METTL2A: variants seen among roughly 807,000 people sequenced by gnomAD.
METTL2A encodes the protein tRNA N(3)-cytidine methyltransferase METTL2A.
A neutral mutation model predicts 49.4 loss-of-function variants in METTL2A; 45 were observed. That is an observed-to-expected ratio of 0.91 (90% CI 0.72 to 1.17). METTL2A has a LOEUF of 1.17. Ranked by LOEUF, METTL2A falls within the 50% of genes most tolerant of loss-of-function variation. The probability of loss-of-function intolerance (pLI) is 0.00; values close to 1 mark genes in which losing one functional copy is unlikely to be tolerated. For missense variants in METTL2A, 361 were observed against 462.2 expected (o/e 0.78, Z 2.01); for synonymous variants, 118 against 167.5 (o/e 0.70, Z 2.28).
chr17:62,446,047 A>G (rs973055567), intron 7 of METTL2A, among the ~76,000 whole-genome samples: 6 of 152,262 alleles, frequency 3.9e-5, no homozygotes, highest in African/African-American at 1.4e-4. Flanking sequence ...CTAAATGGCC[A>G]GTAAACAACA....
chr17:62,445,536 T>C (rs1241816695), intron 7 of METTL2A, among the ~76,000 whole-genome samples: 2 of 152,170 alleles, frequency 1.3e-5, no homozygotes, highest in African/African-American at 4.8e-5. Context: ...CAGTGGCTCA[T>C]GCCTGTAATT....
At chr17:62,424,089 G>C (rs946629891) in intron 1 of METTL2A, 77 bp downstream of exon 1, 26 of 1,584,268 alleles carry the variant, frequency 1.6e-5, no homozygotes, top group Non-Finnish European at 2.0e-5. Flanking sequence ...AAAAGCCCCT[G>C]ACCGCCGGCC....
chr17:62,440,674 G>A lies in METTL2A; in HGVS notation c.727G>A (p.Glu243Lys). 1 of 1,614,074 alleles carries A rather than the reference G, an allele frequency of 6.2e-7. No individual in the cohort carries two copies. Among genetic ancestry groups the A allele is most frequent in the South Asian group, 1.1e-5 (1 of 91,074 alleles). ...CFAFVHDLCD[E>K]EKSYPVPKGS... is the part of the protein sequence containing the mutation. ...TGCCTTTGTTCACGACCTGTGTGATGAAGAGAAGAGTTACCCAGTGCCCAA... is the reference window on the plus strand; with the variant it reads ...TGCCTTTGTTCACGACCTGTGTGATAAAGAGAAGAGTTACCCAGTGCCCAA... The change falls in exon 6 of 9, where the codon GAA becomes AAA. Residue 243 changes from glutamate (E) to lysine (K), a missense_variant. Transcript: ENST00000311506.
At chr17:62,447,892 C>A in intron 8 of METTL2A, 126 bp downstream of exon 8, 2 of 1,547,762 alleles carry the variant, frequency 1.3e-6, no homozygotes, top group Non-Finnish European at 1.7e-6. Context: ...CCTGCGGTTC[C>A]CTGCTGCTCA....
intron 5 of METTL2A, among the ~76,000 whole-genome samples, chr17:62,439,224 T>A (rs149854699): frequency 0.018 from 2,676 of 151,546 alleles, 91 homozygotes; most frequent in African/African-American, 0.061. Context: ...CAGGTAATCC[T>A]CCCACCTCGA....
At chr17:62,431,250 G>T (rs190086658) in intron 4 of METTL2A, among the ~76,000 whole-genome samples, 1 of 150,636 alleles carries the variant, frequency 6.6e-6, no homozygotes, top group Non-Finnish European at 1.5e-5. Flanking sequence ...ATCCACCCAC[G>T]TCGGCCTCCC....
chr17:62,441,571 C>G (rs1424610967), intron 6 of METTL2A, among the ~76,000 whole-genome samples: 1 of 151,986 alleles, frequency 6.6e-6, no homozygotes, highest in Admixed American at 6.6e-5. Context: ...CTCAACCTCC[C>G]GAGTAGCTGG....
chr17:62,445,071 C>T (rs1170472986), intron 7 of METTL2A, 128 bp downstream of exon 7: 14 of 1,055,748 alleles, frequency 1.3e-5, no homozygotes, highest in Admixed American at 2.3e-5. Flanking sequence ...CTTTTTCTCA[C>T]TCATAAGTGG....
Position 62,451,627 on chromosome 17 carries a change from C to T in METTL2A, c.*2898C>T, listed in dbSNP as rs113475326. Among the ~76,000 whole-genome samples, 3,130 of 151,730 alleles carry T rather than the reference C, an allele frequency of 0.021. 128 individuals are homozygous for T. The highest frequency in any genetic ancestry group is 0.071 in the African/African-American group (2,947 of 41,450). On this transcript the variant is annotated 3_prime_UTR_variant, in exon 9 of 9. Coordinates refer to ENST00000311506, the MANE Select transcript of METTL2A (RefSeq NM_181725.4). ...ACAATACAGACCTGGCACGGTGGCT[C>T]ACGCCTGTAATCCCAGCACTTTGAG...
chr17:62,431,774 G>T (rs1436886951), intron 4 of METTL2A, among the ~76,000 whole-genome samples: 1 of 151,826 alleles, frequency 6.6e-6, no homozygotes, highest in Non-Finnish European at 1.5e-5. Context: ...AGGCTGGAAT[G>T]CAGTGGCACG....
At chr17:62,424,344 G>A in intron 2 of METTL2A, 34 bp downstream of exon 2, 1 of 1,613,170 alleles carries the variant, frequency 6.2e-7, no homozygotes, top group East Asian at 2.2e-5. Flanking sequence ...GGTATCAACA[G>A]CCAGCGTACT....
rs763518780 is a variant in METTL2A at position 62,448,610 on chromosome 17, GA to G, written c.1023del (p.Val342PhefsTer11). The G allele has an allele frequency of 1.2e-6, 2 of 1,614,154 alleles. No homozygotes were observed. The highest frequency in any genetic ancestry group is 2.2e-5 in the South Asian group (2 of 91,080). On this transcript the variant is annotated frameshift_variant, in exon 9 of 9. Coordinates refer to ENST00000311506, the MANE Select transcript of METTL2A (RefSeq NM_181725.4). LOFTEE classifies it high-confidence loss of function. ...CACGCTTTTCACCACTGCTGGACTG[GA>G]AAAAGTTCAGAACCTGGTGGATCGC... ...LDTLFTTAGL[E>X]KVQNLVDRRL...
At chr17:62,426,992 C>T (rs2070632917) in intron 3 of METTL2A, among the ~76,000 whole-genome samples, 1 of 152,152 alleles carries the variant, frequency 6.6e-6, no homozygotes, top group Non-Finnish European at 1.5e-5. Context: ...GAAAAAAGTC[C>T]CAGATCAGAA....
At chr17:62,432,364 A>G (rs1317833126) in intron 4 of METTL2A, among the ~76,000 whole-genome samples, 3 of 152,194 alleles carry the variant, frequency 2.0e-5, no homozygotes, top group Admixed American at 6.5e-5. Flanking sequence ...TCAAGCAATC[A>G]TGGATTGAAA....
intron 5 of METTL2A, among the ~76,000 whole-genome samples, chr17:62,440,019 C>CTTTTTTTTT (rs60232494): frequency 7.1e-6 from 1 of 141,076 alleles, no homozygotes; most frequent in Non-Finnish European, 1.6e-5. Flanking sequence ...TTTGCCGTTA[C>CTTTTTTTTT]TTTTTTTTTT....
At chr17:62,438,230 A>T (rs922098468) in intron 5 of METTL2A, among the ~76,000 whole-genome samples, 3 of 151,976 alleles carry the variant, frequency 2.0e-5, no homozygotes, top group Non-Finnish European at 4.4e-5. Flanking sequence ...AATATGGTGA[A>T]ACTCCATCTC....
intron 4 of METTL2A, among the ~76,000 whole-genome samples, chr17:62,428,809 G>A (rs1210770920): frequency 1.3e-5 from 2 of 152,178 alleles, no homozygotes; most frequent in African/African-American, 4.8e-5. Context: ...TTTGAGACAA[G>A]CTCTTGTTCT....
chr17:62,448,515 G>A (rs2070783383), intron 8 of METTL2A, 60 bp from the exon 9 acceptor site: 1 of 1,596,002 alleles, frequency 6.3e-7, no homozygotes, highest in Non-Finnish European at 8.5e-7. Context: ...GGACTTAGTA[G>A]ATAAAAATGC....
At chr17:62,430,069 T>C (rs1454487890) in intron 4 of METTL2A, among the ~76,000 whole-genome samples, 2 of 152,256 alleles carry the variant, frequency 1.3e-5, no homozygotes, top group East Asian at 3.8e-4. Context: ...ATATATACTT[T>C]GCCAATTTAG....
Sources: allele counts gnomAD v4.1 joint callset (sites outside exome capture counted in the v4.1 genomes callset), GRCh38; gene constraint gnomAD v4.1.1; transcripts MANE v1.5; gene names NCBI Gene and HGNC (gene_info 2026-07-23, HGNC 2026-07-21).